Variants in SPTAN1 observed in about 807,000 individuals in gnomAD.
The protein encoded by SPTAN1 is spectrin alpha chain, non-erythrocytic 1.
In SPTAN1, 61 loss-of-function variants were observed where a neutral mutation model predicts 331.3. The ratio of observed to expected loss-of-function variants is 0.18; its 90% CI spans 0.15 to 0.23. The LOEUF is 0.23. Ranked by LOEUF, SPTAN1 falls within the 10% of genes least tolerant of loss-of-function variation. The probability of loss-of-function intolerance (pLI) is 1.00; values close to 1 mark genes in which losing one functional copy is unlikely to be tolerated. For synonymous variants in SPTAN1, 1,153 were observed against 1,173.9 expected (o/e 0.98, Z 0.36); for missense variants, 2,043 against 3,147.9 (o/e 0.65, Z 8.40).
intron 49 of SPTAN1, chr9:128,626,901 A>G (rs976605535): frequency 4.6e-6 from 3 of 649,334 alleles, no homozygotes; most frequent in Non-Finnish European, 8.2e-6. Flanking sequence ...TGTAGCCTCA[A>G]CCTCCCAGGC....
chr9:128,587,692 C>T lies in SPTAN1; in HGVS notation c.2865C>T (p.Ser955=). 1.9e-6 allele frequency: 3 copies of T among 1,614,062 alleles called. No homozygotes were observed. The highest frequency in any genetic ancestry group is 2.5e-6 in the Non-Finnish European group (3 of 1,179,946). The part of the protein sequence containing the change: ...SIQALREQAQ[S]CRQQVAPTDD... ...AGGCTTTGCGAGAACAAGCACAGTC[C>T]TGCCGGGTAAACTTGTAACAGTTTA... is the stretch of plus-strand genomic sequence containing the variant. Residue 955 remains serine, a synonymous_variant, in exon 20 of 57, where the codon TCC becomes TCT. Transcript: ENST00000372739.
chr9:128,562,444 G>A (rs775408148), intron 1 of SPTAN1, among the ~76,000 whole-genome samples: 22 of 152,142 alleles, frequency 1.4e-4, no homozygotes, highest in Non-Finnish European at 2.6e-4. Context: ...AGTGGGAGAG[G>A]AGAGTGCACT....
At position 128,621,147 on chromosome 9, in the gene SPTAN1, T is replaced by G. The variant is rs1057521318; in HGVS notation, c.5734-11T>G. 6.2e-7 allele frequency: 1 copy of G among 1,613,892 alleles called. No individual in the cohort carries two copies. The highest frequency in any genetic ancestry group is 2.2e-5 in the East Asian group (1 of 44,882). On this transcript the variant is annotated splice_polypyrimidine_tract_variant and intron_variant, in intron 44 of 56. Transcript: ENST00000372739. ...GCTCTCAATAGTGTGCCTTGGCTGCTTCTACTCCAGGGCTTACTGAAGAAA... is the reference window on the plus strand; with the variant it reads ...GCTCTCAATAGTGTGCCTTGGCTGCGTCTACTCCAGGGCTTACTGAAGAAA...
At chr9:128,632,546 G>A in intron 54 of SPTAN1, 26 bp from the exon 55 acceptor site, 2 of 1,614,148 alleles carry the variant, frequency 1.2e-6, no homozygotes, top group Non-Finnish European at 1.7e-6. Flanking sequence ...GCTGCCTGCT[G>A]AGCCGCCCTC....
Position 128,581,891 on chromosome 9 carries a change from C to G in SPTAN1, c.1571C>G (p.Thr524Arg), listed in dbSNP as rs200973042. 5.6e-6 allele frequency: 9 copies of G among 1,601,772 alleles called. No homozygotes were observed. Residue 524 changes from threonine (T) to arginine (R), a missense_variant and splice_region_variant, in exon 12 of 57, where the codon ACA becomes AGA. Physicochemically the swap from Thr to Arg is moderately conservative, Grantham distance 71. This residue lies in a region of SPTAN1 where 1,038 missense variants were observed against 1,531.5 expected (regional missense o/e 0.68). Coordinates refer to ENST00000372739, the MANE Select transcript of SPTAN1 (RefSeq NM_001130438.3). ...CTTAGTGCCCAGGAGGAAAAGATTA[C>G]AGTAAGACCCCTTCTTGTCAGTGCT... is the stretch of plus-strand genomic sequence containing the variant. ...KSLSAQEEKI[T>R]ALDEFATKLI...
intron 1 of SPTAN1, among the ~76,000 whole-genome samples, chr9:128,558,444 T>C (rs1186876531): frequency 6.6e-6 from 1 of 152,244 alleles, no homozygotes; most frequent in Non-Finnish European, 1.5e-5. Flanking sequence ...TTTCCCCTCC[T>C]TCAGTCTCTA....
chr9:128,616,570 C>A (rs1857192552), intron 41 of SPTAN1, among the ~76,000 whole-genome samples: 1 of 150,764 alleles, frequency 6.6e-6, no homozygotes, highest in South Asian at 2.1e-4. Flanking sequence ...AGTTCGAGAC[C>A]AGCCTGGCCA....
chr9:128,624,615 G>A (rs1858454788), intron 46 of SPTAN1, 128 bp downstream of exon 46: 1 of 1,225,702 alleles, frequency 8.2e-7, no homozygotes, highest in Non-Finnish European at 1.2e-6. Context: ...CCTACTACCA[G>A]GGCAGACCAC....
At chr9:128,555,432 T>A in intron 1 of SPTAN1, 1 of 1,288,200 alleles carries the variant, frequency 7.8e-7, no homozygotes, top group South Asian at 1.2e-5. Context: ...ACGGGTTGCC[T>A]TTTTGGTTTT....
At chr9:128,573,006 C>G (rs879059705) in intron 3 of SPTAN1, among the ~76,000 whole-genome samples, 1 of 152,164 alleles carries the variant, frequency 6.6e-6, no homozygotes, top group Non-Finnish European at 1.5e-5. Context: ...GAGAATCCAC[C>G]CATGTTGACT....
intron 21 of SPTAN1, among the ~76,000 whole-genome samples, chr9:128,589,157 T>A (rs1853088012): frequency 1.3e-5 from 2 of 152,184 alleles, no homozygotes; most frequent in South Asian, 4.1e-4. Context: ...GCAAGAAGCA[T>A]AGATAATCAC....
In SPTAN1 at chr9:128,574,957, A is replaced by G. The variant is rs544709386; in HGVS notation, c.504+142A>G. 4 of 1,241,564 alleles carry G rather than the reference A, an allele frequency of 3.2e-6. No homozygotes were observed. In the African/African-American group the frequency reaches 4.4e-5, roughly 14 times the overall value. 76.9% of individuals were successfully genotyped at this position (1,241,564 alleles called of 1,614,324 possible). On this transcript the variant is annotated intron_variant, in intron 4 of 56. Coordinates refer to ENST00000372739, the MANE Select transcript of SPTAN1 (RefSeq NM_001130438.3). ...GTGGAAGTGGGGTTGCTGTCTCTCC[A>G]GCTGCTCTCTAGGTGTATGTGCTAT...
chr9:128,579,826 A>G (rs749094320), intron 10 of SPTAN1, 88 bp downstream of exon 10: 2 of 1,082,488 alleles, frequency 1.8e-6, no homozygotes, highest in Non-Finnish European at 2.8e-6. Context: ...AAATATCCAG[A>G]GAACGCATTC....
intron 52 of SPTAN1, 51 bp downstream of exon 52, chr9:128,630,426 C>T (rs1421258889): frequency 6.3e-7 from 1 of 1,576,080 alleles, no homozygotes; most frequent in East Asian, 2.2e-5. Context: ...CCCAGCCACC[C>T]CCCAGGGTAC....
intron 3 of SPTAN1, among the ~76,000 whole-genome samples, chr9:128,571,683 C>T (rs1485754981): frequency 6.6e-6 from 1 of 152,108 alleles, no homozygotes; most frequent in Non-Finnish European, 1.5e-5. Context: ...CTTTGCTAAC[C>T]TCTGATCTTC....
At position 128,600,063 on chromosome 9, in the gene SPTAN1, C is replaced by T. The variant is rs1854897482; in HGVS notation, c.3544-17C>T. ...GGTCAATTGCTTGGCTGCCTAAATT[C>T]CTCTTTCTTTGAATAGGATGAAACT... On this transcript the variant is annotated splice_polypyrimidine_tract_variant and intron_variant, in intron 26 of 56. Transcript: ENST00000372739. The T allele has an allele frequency of 3.1e-6, 5 of 1,614,064 alleles. No individual in the cohort carries two copies. The highest frequency in any genetic ancestry group is 2.7e-5 in the African/African-American group (2 of 74,926).
In SPTAN1 at chr9:128,632,610, A is replaced by C. The variant is rs1859951076; in HGVS notation, c.7052A>C (p.Gln2351Pro). 1 of 1,614,082 alleles carries C rather than the reference A, an allele frequency of 6.2e-7. No homozygotes were observed. The highest frequency in any genetic ancestry group is 1.3e-5 in the African/African-American group (1 of 75,064). ...DKDKSGRLNH[Q>P]EFKSCLRSLG... Reference sequence around the variant, plus strand: ...GACAAGTCTGGCAGGCTGAACCATCAGGAGTTCAAATCTTGCCTGCGCTCC... The same window carrying C: ...GACAAGTCTGGCAGGCTGAACCATCCGGAGTTCAAATCTTGCCTGCGCTCC... Residue 2351 changes from glutamine to proline, a missense_variant, in exon 55 of 57, where the codon CAG becomes CCG. This residue lies in a region of SPTAN1 where 58 missense variants were observed against 74.0 expected (regional missense o/e 0.78). Coordinates refer to ENST00000372739, the MANE Select transcript of SPTAN1 (RefSeq NM_001130438.3).
intron 3 of SPTAN1, among the ~76,000 whole-genome samples, chr9:128,571,239 A>G (rs1204742668): frequency 1.3e-5 from 2 of 151,572 alleles, no homozygotes; most frequent in African/African-American, 2.4e-5. Context: ...GCAGTGAGCC[A>G]TGATTGCACC....
At chr9:128,619,711 G>T (rs946871103) in intron 44 of SPTAN1, among the ~76,000 whole-genome samples, 2 of 152,170 alleles carry the variant, frequency 1.3e-5, no homozygotes, top group Admixed American at 1.3e-4. Context: ...CACATTCATG[G>T]GTACCAGAAG....
Sources: allele counts gnomAD v4.1 joint callset (sites outside exome capture counted in the v4.1 genomes callset), GRCh38; gene constraint gnomAD v4.1.1; regional missense constraint gnomAD v4.1.1; transcripts MANE v1.5; gene names NCBI Gene and HGNC (gene_info 2026-07-23, HGNC 2026-07-21).